Variants in LMNB2 observed in about 807,000 individuals in gnomAD.
LMNB2 encodes lamin B2, also known as lamin-B2.
A neutral mutation model predicts 69.3 loss-of-function variants in LMNB2; 17 were observed. The observed-to-expected ratio is 0.25, with a 90% confidence interval of 0.17 to 0.37. The LOEUF (loss-of-function observed/expected upper bound fraction) is 0.37, where lower values mean the gene tolerates loss of function less well. Among genes scored for constraint, LMNB2 ranks in the 10% least tolerant of loss-of-function variants. LMNB2 has a pLI of 1.00. For synonymous variants in LMNB2, 397 were observed against 389.3 expected, an observed-to-expected ratio of 1.02 and a Z score of -0.23; for missense variants, 789 against 883.6, an observed-to-expected ratio of 0.89 and a Z score of 1.36.
Position 2,446,209 on chromosome 19 carries a change from C to G in LMNB2, c.265-1669G>C, listed in dbSNP as rs937344559. Among the ~76,000 whole-genome samples, 37 of 147,792 alleles carry G rather than the reference C, an allele frequency of 2.5e-4. 1 individual carries two copies. Among genetic ancestry groups the G allele is most frequent in the African/African-American group, 9.3e-4 (37 of 39,794 alleles). On this transcript the variant is annotated intron_variant, in intron 1 of 11. Coordinates refer to ENST00000325327, the MANE Select transcript of LMNB2 (RefSeq NM_032737.4). ...TCTGTAGTCAGAGTCTCCAGCTCCCCACCCCACCAGCGGCCCCCACCTTTC... is the reference window on the plus strand; with the variant it reads ...TCTGTAGTCAGAGTCTCCAGCTCCCGACCCCACCAGCGGCCCCCACCTTTC...
rs368027523 is a variant in LMNB2, at chr19:2,453,925, A to G, written c.264+2745T>C. ...AGCAGGCGGCCTCTAAGTTGGGACA[A>G]CTCCGCACTGGACAGATGGCAAGAT... On this transcript the variant is annotated intron_variant, in intron 1 of 11. Coordinates refer to ENST00000325327, the MANE Select transcript of LMNB2 (RefSeq NM_032737.4). The surrounding 1 kb of genome is among the most constrained non-coding windows in gnomAD (Gnocchi z 4.4). Among the ~76,000 whole-genome samples, 8 of 152,150 alleles carry G rather than the reference A, an allele frequency of 5.3e-5. No homozygotes were observed. The East Asian group carries it at 1.4e-3, about 26-fold the overall frequency.
chr19:2,435,240 CA>C lies in LMNB2; in HGVS notation c.685-70del, dbSNP rs1791448287. 8.3e-6 allele frequency: 13 copies of C among 1,574,758 alleles called. 1 individual carries two copies. In the South Asian group the frequency reaches 1.4e-4, roughly 18 times the overall value. On this transcript the variant is annotated intron_variant, in intron 4 of 11. Coordinates refer to ENST00000325327, the MANE Select transcript of LMNB2 (RefSeq NM_032737.4). ...CAAGCACCAGGCCCAAGGGAGGGCT[CA>C]AAAATGTGCCAAGAGGAACCTCCAG...
intron 4 of LMNB2, among the ~76,000 whole-genome samples, chr19:2,436,598 C>T (rs1455325304): frequency 3.4e-5 from 5 of 148,578 alleles, no homozygotes; most frequent in South Asian, 2.1e-4. Flanking sequence ...CCTCCACGGC[C>T]GCTCACCCAC....
rs547882685 is a variant in LMNB2 at position 2,443,373 on chromosome 19, C to A, written c.401+1031G>T. On this transcript the variant is annotated intron_variant, in intron 2 of 11. Transcript: ENST00000325327. The surrounding 1 kb of genome is among the most constrained non-coding windows in gnomAD (Gnocchi z 6.2). ...GATGGAGAGGTCACCTGCAACCACG[C>A]ATGGGGGCCCCGGCACTGTTGGACA... 6.6e-6 allele frequency among the ~76,000 whole-genome samples: 1 copy of A among 152,310 alleles called. No individual in the cohort carries two copies. Among genetic ancestry groups the A allele is most frequent in the South Asian group, 2.1e-4 (1 of 4,830 alleles).
rs202012198 is a variant in LMNB2, at chr19:2,434,030, G to A, written c.1278C>T (p.Ser426=). The change falls in exon 8 of 12, where the codon TCC becomes TCT. Residue 426 remains serine (S), a synonymous_variant. Coordinates refer to ENST00000325327, the MANE Select transcript of LMNB2 (RefSeq NM_032737.4). ...TACTGCGGCCCAGGCGCCCGGTGGC[G>A]GACAAGCTGCCGCTGCTGCTCGAGG... The part of the protein sequence containing the change: ...RATSSSSGSL[S]ATGRLGRSKR... The A allele has an allele frequency of 2.6e-5, 41 of 1,603,636 alleles. No homozygotes were observed. The highest frequency in any genetic ancestry group is 8.0e-5 in the African/African-American group (6 of 74,850).
At position 2,430,972 on chromosome 19, in the gene LMNB2, A is replaced by G. The variant is rs1026453368; in HGVS notation, c.1822-20T>C. ...GTCCCCCTGCAGGAAGGAAGGAAGGAAGGTCGGCCATGATCAGGGCCAGCC... is the reference window on the plus strand; with the variant it reads ...GTCCCCCTGCAGGAAGGAAGGAAGGGAGGTCGGCCATGATCAGGGCCAGCC... On this transcript the variant is annotated intron_variant, in intron 11 of 11. Transcript: ENST00000325327. The G allele has an allele frequency of 1.3e-5, 21 of 1,599,126 alleles. No individual in the cohort carries two copies. The highest frequency in any genetic ancestry group is 1.9e-4 in the Middle Eastern group (1 of 5,384).
intron 2 of LMNB2, among the ~76,000 whole-genome samples, chr19:2,440,016 A>G (rs1971876980): frequency 1.3e-5 from 2 of 151,628 alleles, no homozygotes; most frequent in Non-Finnish European, 2.9e-5. Flanking sequence ...ACAGGCGTGA[A>G]CCACTGCGCC....
At chr19:2,434,686 G>T (rs1971797691) in intron 6 of LMNB2, 102 bp downstream of exon 6, 3 of 1,515,860 alleles carry the variant, frequency 2.0e-6, no homozygotes, top group Non-Finnish European at 2.6e-6. Flanking sequence ...CCCGAGGGCT[G>T]CATCCGATGC....
intron 8 of LMNB2, among the ~76,000 whole-genome samples, chr19:2,433,620 T>G (rs1172167811): frequency 1.3e-5 from 1 of 74,888 alleles, no homozygotes; most frequent in East Asian, 4.0e-4. Context: ...GGTCACCTTG[T>G]CCCCTGCCTC....
At chr19:2,434,716 G>T in intron 6 of LMNB2, 72 bp downstream of exon 6, 1 of 1,543,984 alleles carries the variant, frequency 6.5e-7, no homozygotes. Flanking sequence ...AGAGCCCCAC[G>T]CCCCGCACAT....
rs1971974545 is a variant in LMNB2, at chr19:2,447,845, A to G, written c.265-3305T>C. 2.6e-5 allele frequency among the ~76,000 whole-genome samples: 4 copies of G among 152,170 alleles called. 1 individual carries two copies. In the South Asian group the frequency reaches 8.3e-4, roughly 31 times the overall value. ...GGGACCCTCAGCCTCAAACCAACGC[A>G]TGCTGGGCCATCTGGACAAGTCAGA... is the stretch of plus-strand genomic sequence containing the variant. On this transcript the variant is annotated intron_variant, in intron 1 of 11. Transcript: ENST00000325327. This position sits in a 1 kb window ranked among gnomAD's most constrained non-coding sequence, Gnocchi z 4.4.
intron 1 of LMNB2, among the ~76,000 whole-genome samples, chr19:2,450,711 C>A (rs1972012129): frequency 6.6e-6 from 1 of 152,002 alleles, no homozygotes. Context: ...GATCTGAGCT[C>A]ACAGCAACCT....
rs1971793533 is a variant in LMNB2, at chr19:2,434,413, C to G, written c.1084G>C (p.Glu362Gln). The change falls in exon 7 of 12, where the codon GAG becomes CAG. Residue 362 changes from glutamate to glutamine, a missense_variant. Transcript: ENST00000325327. ...TGCTGCTGCATCACGTCCCGCATCT[C>G]CGTCATCTCCTGCTCCTTGGCGTCC... ...MLDAKEQEMT[E>Q]MRDVMQQQLA... 2 of 1,613,388 alleles carry G rather than the reference C, an allele frequency of 1.2e-6. No homozygotes were observed. The highest frequency in any genetic ancestry group is 1.3e-5 in the African/African-American group (1 of 74,942).
At chr19:2,449,645 T>C (rs1380962144) in intron 1 of LMNB2, among the ~76,000 whole-genome samples, 2 of 150,520 alleles carry the variant, frequency 1.3e-5, no homozygotes, top group African/African-American at 4.9e-5. Context: ...GGTGTGGTGG[T>C]AGGCGCCTGT....
chr19:2,442,271 C>T (rs189337509), intron 2 of LMNB2, among the ~76,000 whole-genome samples: 2 of 152,184 alleles, frequency 1.3e-5, no homozygotes, highest in Admixed American at 1.3e-4. Flanking sequence ...GCTTGAGCAA[C>T]ATAGCGAGAC....
chr19:2,442,014 C>T (rs1265214214), intron 2 of LMNB2, among the ~76,000 whole-genome samples: 1 of 152,212 alleles, frequency 6.6e-6, no homozygotes, highest in Non-Finnish European at 1.5e-5. Context: ...GCTCCCAGGG[C>T]TCAGACCCGT....
chr19:2,432,005 G>A (rs1237716509), intron 9 of LMNB2, 103 bp from the exon 10 acceptor site: 96 of 1,425,050 alleles, frequency 6.7e-5, no homozygotes, highest in South Asian at 1.9e-4. Flanking sequence ...TGCCCTGGGC[G>A]TTCAGTCCTT....
rs552270842 is a variant in LMNB2 at position 2,446,863 on chromosome 19, G to A, written c.265-2323C>T. Among the ~76,000 whole-genome samples, 18 of 152,246 alleles carry A rather than the reference G, an allele frequency of 1.2e-4. 1 individual carries two copies. The South Asian group carries it at 2.9e-3, about 25-fold the overall frequency. On this transcript the variant is annotated intron_variant, in intron 1 of 11. Coordinates refer to ENST00000325327, the MANE Select transcript of LMNB2 (RefSeq NM_032737.4). ...ATGTTTGAAAACTACACATGGTGCC[G>A]GGCGCAGTGGCTCACACCTGTAATC... is the stretch of plus-strand genomic sequence containing the variant.
chr19:2,442,964 G>T (rs1971914909), intron 2 of LMNB2, among the ~76,000 whole-genome samples: 1 of 152,200 alleles, frequency 6.6e-6, no homozygotes. Context: ...CCATCTGCAC[G>T]GTGTAGTTCT....
Sources: allele counts gnomAD v4.1 joint callset (sites outside exome capture counted in the v4.1 genomes callset), GRCh38; gene constraint gnomAD v4.1.1; non-coding constraint Gnocchi (gnomAD v3.1); transcripts MANE v1.5; gene names NCBI Gene and HGNC (gene_info 2026-07-23, HGNC 2026-07-21).